Variants in DLGAP2 observed in about 807,000 individuals in gnomAD.
DLGAP2 encodes the protein DLG associated protein 2.
In DLGAP2, 26 loss-of-function variants were observed where a neutral mutation model predicts 100.3. The ratio of observed to expected loss-of-function variants is 0.26; its 90% CI spans 0.19 to 0.36. DLGAP2 has a LOEUF of 0.36. Ranked by LOEUF, DLGAP2 falls within the 10% of genes least tolerant of loss-of-function variation. The pLI, the probability that DLGAP2 is intolerant of heterozygous loss-of-function variation, is 1.00. For missense variants in DLGAP2, 1,858 were observed against 1,453.2 expected, an observed-to-expected ratio of 1.28 and a Z score of -4.53; for synonymous variants, 886 against 630.1, an observed-to-expected ratio of 1.41 and a Z score of -6.08.
intron 3 of DLGAP2, among the ~76,000 whole-genome samples, chr8:1,344,117 G>C (rs74454881): frequency 0.18 from 23,029 of 125,352 alleles, 2,222 homozygotes; most frequent in East Asian, 0.32. Flanking sequence ...CCATGTATTC[G>C]GGGCCCTGTC....
chr8:894,171 C>T (rs1049486428), intron 1 of DLGAP2, among the ~76,000 whole-genome samples: 3 of 152,184 alleles, frequency 2.0e-5, no homozygotes, highest in African/African-American at 7.2e-5. Context: ...TCAGCTGAGC[C>T]CTTGGGTGGG....
intron 1 of DLGAP2, among the ~76,000 whole-genome samples, chr8:871,598 G>A (rs1797599262): frequency 6.6e-6 from 1 of 152,170 alleles, no homozygotes; most frequent in African/African-American, 2.4e-5. Flanking sequence ...CCTTTAGAGA[G>A]CTGACATGAT....
chr8:1,433,087 C>A (rs945364323), intron 3 of DLGAP2, among the ~76,000 whole-genome samples: 2 of 152,184 alleles, frequency 1.3e-5, no homozygotes. Flanking sequence ...TTGGGACTCC[C>A]TTGCCGAGCC....
At chr8:1,555,200 G>A (rs551629694) in intron 5 of DLGAP2, among the ~76,000 whole-genome samples, 4 of 152,208 alleles carry the variant, frequency 2.6e-5, no homozygotes, top group East Asian at 1.9e-4. Context: ...GGACACAGAC[G>A]CACAACCCTG....
intron 6 of DLGAP2, among the ~76,000 whole-genome samples, chr8:1,570,592 C>A (rs966082208): frequency 2.6e-5 from 4 of 152,182 alleles, no homozygotes; most frequent in Admixed American, 6.5e-5. Context: ...CGCTGTAATG[C>A]CCAAGAGGCT....
At chr8:1,641,452 T>C (rs530403806) in intron 8 of DLGAP2, among the ~76,000 whole-genome samples, 38 of 152,272 alleles carry the variant, frequency 2.5e-4, no homozygotes, top group African/African-American at 9.2e-4. Context: ...TCCCAGGTAA[T>C]GAGATTTCAA....
rs531067479 is a variant in DLGAP2 at position 813,274 on chromosome 8, A to C, written c.18+75449A>C. ...ATTTCCTTTTCAAAACGAAAAAAAA[A>C]CCAAAATGCTGAGACATTTTGGGAT... On this transcript the variant is annotated intron_variant, in intron 1 of 14. Transcript: ENST00000637795. Among the ~76,000 whole-genome samples, 69 of 152,154 alleles carry C rather than the reference A, an allele frequency of 4.5e-4. No homozygotes were observed. In the South Asian group the frequency reaches 6.4e-3, roughly 14 times the overall value.
intron 2 of DLGAP2, among the ~76,000 whole-genome samples, chr8:1,018,159 A>T (rs1801524233): frequency 6.6e-6 from 1 of 150,898 alleles, no homozygotes; most frequent in African/African-American, 2.4e-5. Flanking sequence ...GCTCAGTCAG[A>T]TGCATTATCC....
intron 2 of DLGAP2, among the ~76,000 whole-genome samples, chr8:1,038,370 C>T (rs1021090639): frequency 3.9e-5 from 6 of 152,138 alleles, no homozygotes; most frequent in Non-Finnish European, 8.8e-5. Context: ...TTGACCTTGG[C>T]AGGGAACCTC....
chr8:1,173,778 G>A lies in DLGAP2; in HGVS notation c.74-85073G>A, dbSNP rs142867271. ...GGAGTGACCCGATTTTCCAGGTGCC[G>A]TCTGTCACCCCTTTCTTTGACTAGG... On this transcript the variant is annotated intron_variant, in intron 2 of 14. Transcript: ENST00000637795. Among the ~76,000 whole-genome samples, 1,207 of 152,218 alleles carry A rather than the reference G, an allele frequency of 7.9e-3. 8 individuals are homozygous for A. Among genetic ancestry groups the A allele is most frequent in the African/African-American group, 0.028 (1,145 of 41,546 alleles).
intron 2 of DLGAP2, among the ~76,000 whole-genome samples, chr8:1,163,415 G>C (rs1454339616): frequency 6.6e-6 from 1 of 152,230 alleles, no homozygotes; most frequent in Non-Finnish European, 1.5e-5. Flanking sequence ...CACGCTGGGC[G>C]AGGGGAGGCC....
intron 2 of DLGAP2, among the ~76,000 whole-genome samples, chr8:1,173,395 C>A (rs62488985): frequency 6.6e-6 from 1 of 152,114 alleles, no homozygotes; most frequent in South Asian, 2.1e-4. Context: ...GCTAGGAGAA[C>A]CACTGCTCTC....
intron 2 of DLGAP2, among the ~76,000 whole-genome samples, chr8:1,213,478 T>A (rs1332184571): frequency 6.6e-6 from 1 of 152,202 alleles, no homozygotes; most frequent in Non-Finnish European, 1.5e-5. Flanking sequence ...CTCACCATAT[T>A]GCTCACATTA....
intron 6 of DLGAP2, among the ~76,000 whole-genome samples, chr8:1,598,202 C>G (rs1332631344): frequency 6.6e-6 from 1 of 152,286 alleles, no homozygotes; most frequent in East Asian, 1.9e-4. Flanking sequence ...CCTTGCATCC[C>G]AGGGATGAAG....
At chr8:1,538,757 G>A (rs7837862) in intron 4 of DLGAP2, among the ~76,000 whole-genome samples, 5,749 of 152,152 alleles carry the variant, frequency 0.038, 317 homozygotes, top group East Asian at 0.12. Flanking sequence ...TCCCCGCAGC[G>A]TGGCCACAGC....
At chr8:973,885 T>C in intron 2 of DLGAP2, among the ~76,000 whole-genome samples, 1 of 132,734 alleles carries the variant, frequency 7.5e-6, no homozygotes, top group Non-Finnish European at 1.6e-5. Flanking sequence ...CCTCTTCCCC[T>C]CCTCCGCCAC....
chr8:1,257,564 G>T (rs1245593430), intron 2 of DLGAP2, among the ~76,000 whole-genome samples: 1 of 152,132 alleles, frequency 6.6e-6, no homozygotes, highest in South Asian at 2.1e-4. Context: ...GTCCTTCAAG[G>T]TTCAGGCCAG....
intron 3 of DLGAP2, among the ~76,000 whole-genome samples, chr8:1,463,564 C>G (rs116493424): frequency 6.6e-6 from 1 of 152,244 alleles, no homozygotes; most frequent in Non-Finnish European, 1.5e-5. Flanking sequence ...CGAGCTGGTC[C>G]GGCCTCGCGT....
intron 3 of DLGAP2, among the ~76,000 whole-genome samples, chr8:1,264,370 C>T (rs571990952): frequency 1.3e-5 from 2 of 152,226 alleles, no homozygotes; most frequent in African/African-American, 4.8e-5. Context: ...CAGACACTCA[C>T]CCAGCTTCCC....
Sources: allele counts gnomAD v4.1 joint callset (sites outside exome capture counted in the v4.1 genomes callset), GRCh38; gene constraint gnomAD v4.1.1; transcripts MANE v1.5; gene names NCBI Gene and HGNC (gene_info 2026-07-23, HGNC 2026-07-21).